HCN1: variants seen among roughly 807,000 people sequenced by gnomAD.
The protein encoded by HCN1 is potassium/sodium hyperpolarization-activated cyclic nucleotide-gated channel 1.
HCN1 carries 13 observed loss-of-function variants against 78.9 expected under a neutral mutation model. The ratio of observed to expected loss-of-function variants is 0.16; its 90% CI spans 0.11 to 0.26. HCN1 has a LOEUF of 0.26. HCN1 is among the 10% of genes least tolerant of loss of function. The probability of loss-of-function intolerance (pLI) is 1.00; values close to 1 mark genes in which losing one functional copy is unlikely to be tolerated. For synonymous variants in HCN1, 552 were observed against 455.5 expected (o/e 1.21, Z -2.70); for missense variants, 810 against 1,154.3 (o/e 0.70, Z 4.32).
At chr5:45,659,168 T>A (rs1398801171) in intron 1 of HCN1, among the ~76,000 whole-genome samples, 1 of 149,698 alleles carries the variant, frequency 6.7e-6, no homozygotes, top group Non-Finnish European at 1.5e-5. Context: ...GCAGCCTAAC[T>A]GGGAGGCACC....
intron 3 of HCN1, among the ~76,000 whole-genome samples, chr5:45,412,840 G>T (rs1338619641): frequency 6.6e-6 from 1 of 152,020 alleles, no homozygotes; most frequent in African/African-American, 2.4e-5. Flanking sequence ...GGGATGAAAA[G>T]AACTGAATAG....
chr5:45,668,381 C>T lies in HCN1; in HGVS notation c.426-22773G>A, dbSNP rs949865569. 2.0e-5 allele frequency among the ~76,000 whole-genome samples: 3 copies of T among 151,734 alleles called. No homozygotes were observed. In the East Asian group the frequency reaches 5.8e-4, roughly 29 times the overall value. On this transcript the variant is annotated intron_variant, in intron 1 of 7. Coordinates refer to ENST00000303230, the MANE Select transcript of HCN1 (RefSeq NM_021072.4). ...TGATGGTTTAAAAGTGTAGCACCTCCTCCCTCAATCTCTCTCTCCTGCCAC... is the reference window on the plus strand; with the variant it reads ...TGATGGTTTAAAAGTGTAGCACCTCTTCCCTCAATCTCTCTCTCCTGCCAC...
At chr5:45,685,704 C>T (rs1258357331) in intron 1 of HCN1, among the ~76,000 whole-genome samples, 2 of 151,260 alleles carry the variant, frequency 1.3e-5, no homozygotes. Flanking sequence ...AAGAACGAAA[C>T]TCCATCTCAA....
At chr5:45,383,704 C>T (rs1348134558) in intron 4 of HCN1, among the ~76,000 whole-genome samples, 1 of 147,172 alleles carries the variant, frequency 6.8e-6, no homozygotes, top group Non-Finnish European at 1.5e-5. Context: ...GCAAGGGTGA[C>T]AGAGACAGAT....
chr5:45,633,047 A>G (rs1429970364), intron 2 of HCN1, among the ~76,000 whole-genome samples: 1 of 151,952 alleles, frequency 6.6e-6, no homozygotes, highest in African/African-American at 2.4e-5. Flanking sequence ...GTCTCCTACA[A>G]GGGCATCCAT....
intron 6 of HCN1, among the ~76,000 whole-genome samples, chr5:45,277,026 A>G (rs1361601196): frequency 6.6e-6 from 1 of 152,022 alleles, no homozygotes; most frequent in African/African-American, 2.4e-5. Context: ...CATAGAGAAT[A>G]TTTCTCCATG....
chr5:45,262,277 C>G lies in HCN1; in HGVS notation c.2317G>C (p.Ala773Pro). 6.2e-7 allele frequency: 1 copy of G among 1,614,006 alleles called. No individual in the cohort carries two copies. The highest frequency in any genetic ancestry group is 1.1e-5 in the South Asian group (1 of 91,080). Reference protein sequence around the residue: ...PKNEVHKSTQALHNTNLTREV... With the variant: ...PKNEVHKSTQPLHNTNLTREV... ...CGGGTCAGGTTGGTGTTGTGAAGCG[C>G]CTGCGTGCTCTTGTGCACTTCATTT... Residue 773 changes from alanine to proline, a missense_variant, in exon 8 of 8, where the codon GCG becomes CCG. Ala to Pro is a conservative substitution (Grantham distance 27). Coordinates refer to ENST00000303230, the MANE Select transcript of HCN1 (RefSeq NM_021072.4).
At chr5:45,658,202 T>A (rs1297423488) in intron 1 of HCN1, among the ~76,000 whole-genome samples, 1 of 152,212 alleles carries the variant, frequency 6.6e-6, no homozygotes, top group East Asian at 1.9e-4. Flanking sequence ...AAGCTGAAAC[T>A]GGATCCCTTC....
In HCN1 at chr5:45,644,759, A is replaced by G. The variant is rs560842868; in HGVS notation, c.849+426T>C. 6.9e-5 allele frequency: 12 copies of G among 172,936 alleles called. No individual in the cohort carries two copies. The South Asian group carries it at 2.2e-3, about 32-fold the overall frequency. The allele number at this position is 172,936 out of a possible 1,614,324, so 10.7% of individuals were successfully genotyped here. ...CAATCATGAATTCAATGAAACTTCA[A>G]TATTAGAGGATACAAAAACCACACT... is the stretch of plus-strand genomic sequence containing the variant. On this transcript the variant is annotated intron_variant, in intron 2 of 7. Coordinates refer to ENST00000303230, the MANE Select transcript of HCN1 (RefSeq NM_021072.4).
rs80150760 is a variant in HCN1, at chr5:45,669,034, T to G, written c.426-23426A>C. ...TTTAGTATACCTAGATCTTAAAATC[T>G]TGAGAAAATTCCTCCTGTTCTAGGT... On this transcript the variant is annotated intron_variant, in intron 1 of 7. Coordinates refer to ENST00000303230, the MANE Select transcript of HCN1 (RefSeq NM_021072.4). Among the ~76,000 whole-genome samples the G allele has an allele frequency of 9.4e-3, 1,433 of 151,948 alleles. 34 individuals are homozygous for G. Among genetic ancestry groups the G allele is most frequent in the African/African-American group, 0.033 (1,362 of 41,490 alleles).
chr5:45,375,771 T>A (rs1330758013), intron 4 of HCN1, among the ~76,000 whole-genome samples: 5 of 102,566 alleles, frequency 4.9e-5, no homozygotes, highest in African/African-American at 1.9e-4. Context: ...TTATGATATA[T>A]CTTATATATA....
At chr5:45,440,567 T>G (rs1740649705) in intron 3 of HCN1, among the ~76,000 whole-genome samples, 1 of 152,140 alleles carries the variant, frequency 6.6e-6, no homozygotes, top group Non-Finnish European at 1.5e-5. Context: ...CAGGGTGAAG[T>G]GAGCTGCTGT....
chr5:45,489,240 G>A (rs1325508899), intron 2 of HCN1, among the ~76,000 whole-genome samples: 1 of 152,142 alleles, frequency 6.6e-6, no homozygotes, highest in Non-Finnish European at 1.5e-5. Context: ...TGCATTTTGG[G>A]GAGAATTAAT....
At chr5:45,409,465 A>G (rs1739986062) in intron 3 of HCN1, among the ~76,000 whole-genome samples, 1 of 152,058 alleles carries the variant, frequency 6.6e-6, no homozygotes, top group African/African-American at 2.4e-5. Flanking sequence ...GGTTATTTAT[A>G]TTGAGGTTAA....
intron 5 of HCN1, among the ~76,000 whole-genome samples, chr5:45,350,931 G>A (rs931994759): frequency 4.1e-4 from 63 of 152,194 alleles, no homozygotes; most frequent in Middle Eastern, 6.8e-3. Flanking sequence ...AATCAATATC[G>A]TGAAAATGGC....
At chr5:45,475,233 A>G (rs1741488692) in intron 2 of HCN1, among the ~76,000 whole-genome samples, 1 of 152,008 alleles carries the variant, frequency 6.6e-6, no homozygotes, top group East Asian at 1.9e-4. Context: ...TACAATCATA[A>G]AATTGTTGTT....
chr5:45,593,644 C>CATT (rs71000644), intron 2 of HCN1, among the ~76,000 whole-genome samples: 24,653 of 146,766 alleles, frequency 0.17, 3,075 homozygotes, highest in African/African-American at 0.35. Flanking sequence ...TAGCTATTTT[C>CATT]ATTATTATTA....
chr5:45,496,084 C>G (rs1393274182), intron 2 of HCN1, among the ~76,000 whole-genome samples: 1 of 151,946 alleles, frequency 6.6e-6, no homozygotes, highest in East Asian at 1.9e-4. Context: ...TGTCTCTGCA[C>G]GGCTTTGGTA....
chr5:45,476,485 G>T (rs1741517936), intron 2 of HCN1, among the ~76,000 whole-genome samples: 1 of 151,992 alleles, frequency 6.6e-6, no homozygotes, highest in African/African-American at 2.4e-5. Flanking sequence ...ATTTACTGTT[G>T]GATTTCTTGA....
Sources: allele counts gnomAD v4.1 joint callset (sites outside exome capture counted in the v4.1 genomes callset), GRCh38; gene constraint gnomAD v4.1.1; transcripts MANE v1.5; gene names NCBI Gene and HGNC (gene_info 2026-07-23, HGNC 2026-07-21).